TMEM214: variants seen among roughly 807,000 people sequenced by gnomAD.
TMEM214 encodes transmembrane protein 214.
A neutral mutation model predicts 89.8 loss-of-function variants in TMEM214; 71 were observed. The ratio of observed to expected loss-of-function variants is 0.79; its 90% CI spans 0.65 to 0.96. TMEM214 has a LOEUF of 0.96. Among genes scored for constraint, TMEM214 ranks in the 40% least tolerant of loss-of-function variants. The pLI, the probability that TMEM214 is intolerant of heterozygous loss-of-function variation, is 0.00. For synonymous variants in TMEM214, 332 were observed against 349.5 expected, an observed-to-expected ratio of 0.95 and a Z score of 0.56; for missense variants, 754 against 843.4, an observed-to-expected ratio of 0.89 and a Z score of 1.31.
At chr2:27,037,816 T>G in intron 9 of TMEM214, 114 bp downstream of exon 9, 2 of 1,603,346 alleles carry the variant, frequency 1.2e-6, no homozygotes, top group Non-Finnish European at 1.7e-6. Flanking sequence ...TTTCCTTAGC[T>G]CCCTGTTGAC....
Position 27,040,747 on chromosome 2 carries a change from C to T in TMEM214, c.1980C>T (p.Leu660=). The change falls in exon 17 of 17, where the codon CTC becomes CTT. Residue 660 remains leucine (L), a synonymous_variant. Coordinates refer to ENST00000238788, the MANE Select transcript of TMEM214 (RefSeq NM_017727.5). The part of the protein sequence containing the change: ...EVTWDCMKTQ[L]SEAVHWTWLC... ...CCTGGGACTGCATGAAGACACAGCT[C>T]AGTGAGGCTGTCCACTGGACCTGGC... 6.2e-7 allele frequency: 1 copy of T among 1,614,160 alleles called. No individual in the cohort carries two copies. The highest frequency in any genetic ancestry group is 8.5e-7 in the Non-Finnish European group (1 of 1,180,036).
At chr2:27,040,552 C>G in intron 16 of TMEM214, 56 bp downstream of exon 16, 4 of 1,598,836 alleles carry the variant, frequency 2.5e-6, no homozygotes, top group Non-Finnish European at 3.4e-6. Flanking sequence ...TTCCCGGGCC[C>G]CAGGGACAAG....
rs751603408 is a variant in TMEM214 at position 27,037,554 on chromosome 2, C to G, written c.1011-7C>G. ...TTATGCCTGTCTTTCCTCCCCACCC[C>G]ACCCAGCCTGCAGGAGCAGCTGTGT... On this transcript the variant is annotated splice_region_variant and splice_polypyrimidine_tract_variant and intron_variant, in intron 8 of 16. Transcript: ENST00000238788. The G allele has an allele frequency of 2.5e-6, 4 of 1,614,182 alleles. No homozygotes were observed. Among genetic ancestry groups the G allele is most frequent in the South Asian group, 1.1e-5 (1 of 91,086 alleles).
Position 27,034,217 on chromosome 2 carries a change from A to C in TMEM214, c.302A>C (p.Gln101Pro). 6 of 1,614,176 alleles carry C rather than the reference A, an allele frequency of 3.7e-6. No individual in the cohort carries two copies. Among genetic ancestry groups the C allele is most frequent in the Non-Finnish European group, 4.2e-6 (5 of 1,180,026 alleles). ...QPKKVATPPN[Q>P]NQKQGRFRSL... ...AAGAAGGTGGCAACTCCTCCCAACC[A>C]AAACCAGAAGCAGGGCCGCTTCCGC... Residue 101 changes from glutamine to proline, a missense_variant, in exon 2 of 17, where the codon CAA (glutamine) becomes CCA (proline). Physicochemically the swap from Gln to Pro is moderately conservative, Grantham distance 76 (BLOSUM62 -1). Coordinates refer to ENST00000238788, the MANE Select transcript of TMEM214 (RefSeq NM_017727.5).
chr2:27,036,184 C>A, intron 5 of TMEM214, 132 bp downstream of exon 5: 1 of 770,498 alleles, frequency 1.3e-6, no homozygotes, highest in Non-Finnish European at 2.2e-6. Context: ...ACACTATTAG[C>A]ACCTATCCTG....
At position 27,037,695 on chromosome 2, in the gene TMEM214, A is replaced by AT; in HGVS notation, c.1145_1146insT (p.Lys382AsnfsTer10). ...ACCCCTAGCTGTCCCCCTGAGATGAAGAAAGAGGTGAGGATATGGTGGGAG... is the reference window on the plus strand; with the variant it reads ...ACCCCTAGCTGTCCCCCTGAGATGAATGAAAGAGGTGAGGATATGGTGGGAG... On this transcript the variant is annotated frameshift_variant, in exon 9 of 17. Transcript: ENST00000238788. LOFTEE classifies it high-confidence loss of function. 2.5e-6 allele frequency: 4 copies of AT among 1,614,126 alleles called. No individual in the cohort carries two copies. The highest frequency in any genetic ancestry group is 3.4e-6 in the Non-Finnish European group (4 of 1,180,026).
rs1572794641 is a variant in TMEM214, at chr2:27,039,392, T to G, written c.1525+228T>G. 4 of 592,948 alleles carry G rather than the reference T, an allele frequency of 6.7e-6. No individual in the cohort carries two copies. The East Asian group carries it at 1.1e-4, about 16-fold the overall frequency. 36.7% of individuals were successfully genotyped at this position (592,948 alleles called of 1,614,324 possible). A position where few individuals can be genotyped will look rare whatever the true frequency, so the allele number is the denominator to read the frequency against. ...GTGCTTGCATATTCATAGTATCATT[T>G]TAGTAGGTGTTACCTCCTTTTAACT... On this transcript the variant is annotated intron_variant, in intron 13 of 16. Coordinates refer to ENST00000238788, the MANE Select transcript of TMEM214 (RefSeq NM_017727.5).
chr2:27,034,255 G>A lies in TMEM214; in HGVS notation c.340G>A (p.Ala114Thr). 6.2e-7 allele frequency: 1 copy of A among 1,613,838 alleles called. No homozygotes were observed. The highest frequency in any genetic ancestry group is 8.5e-7 in the Non-Finnish European group (1 of 1,180,026). ...GGGCCGCTTCCGCAGCCTGGAGGAA[G>A]CACTGAAAGCTGTGAGTGTGCCTAG... ...KQGRFRSLEE[A>T]LKALDVADLQ... The change falls in exon 2 of 17, where the codon GCA (alanine) becomes ACA (threonine). Residue 114 changes from alanine to threonine, a missense_variant. Coordinates refer to ENST00000238788, the MANE Select transcript of TMEM214 (RefSeq NM_017727.5).
rs781335630 is a variant in TMEM214 at position 27,041,528 on chromosome 2, G to A, written c.*691G>A. 4 of 154,162 alleles carry A rather than the reference G, an allele frequency of 2.6e-5. No homozygotes were observed. The highest frequency in any genetic ancestry group is 4.4e-5 in the Non-Finnish European group (3 of 68,398). 9.5% of individuals were successfully genotyped at this position (154,162 alleles called of 1,614,324 possible). ...TCATGCTGGGGGTCTTGGTCACAAG[G>A]CTCAGCTTCTCTCCACTGTCCATCC... is the stretch of plus-strand genomic sequence containing the variant. On this transcript the variant is annotated 3_prime_UTR_variant, in exon 17 of 17. Coordinates refer to ENST00000238788, the MANE Select transcript of TMEM214 (RefSeq NM_017727.5).
rs755607542 is a variant in TMEM214 at position 27,036,524 on chromosome 2, C to T, written c.758C>T (p.Ala253Val). 3.7e-6 allele frequency: 6 copies of T among 1,614,040 alleles called. No individual in the cohort carries two copies. In the East Asian group the frequency reaches 1.1e-4, roughly 30 times the overall value. ...CTGAGGTCCCACCAGAGCCGACCAG[C>T]AAAGTGTCTCACCATCATGTGGGCC... ...ELLRSHQSRPAKCLTIMWALG... is the reference protein window; with the variant it reads ...ELLRSHQSRPVKCLTIMWALG... The change falls in exon 6 of 17, where the codon GCA becomes GTA. Residue 253 changes from alanine (A) to valine (V), a missense_variant. Physicochemically the swap from Ala to Val is moderately conservative, Grantham distance 64. Coordinates refer to ENST00000238788, the MANE Select transcript of TMEM214 (RefSeq NM_017727.5).
intron 6 of TMEM214, 50 bp from the exon 7 acceptor site, chr2:27,036,655 C>T (rs1667578283): frequency 6.2e-7 from 1 of 1,612,424 alleles, no homozygotes; most frequent in Non-Finnish European, 8.5e-7. Flanking sequence ...TCTTTGATGC[C>T]CCCAGTAGGT....
At chr2:27,040,616 A>G in intron 16 of TMEM214, 95 bp from the exon 17 acceptor site, 2 of 1,586,508 alleles carry the variant, frequency 1.3e-6, no homozygotes, top group Non-Finnish European at 1.7e-6. Context: ...ATTCCTGGCC[A>G]CCCTGGGATG....
Position 27,040,458 on chromosome 2 carries a change from C to T in TMEM214, c.1905C>T (p.Ala635=). 4 of 1,614,072 alleles carry T rather than the reference C, an allele frequency of 2.5e-6. No individual in the cohort carries two copies. The highest frequency in any genetic ancestry group is 3.4e-6 in the Non-Finnish European group (4 of 1,180,026). The stretch of plus-strand genomic sequence containing the variant: ...CACTGTGGCACCTCTTGCTTGAGGC[C>T]CTGGCCTGGGCCCAGGAGCACTGCC... ...LLPLWHLLLE[A]LAWAQEHCHE... Residue 635 remains alanine (A), a synonymous_variant, in exon 16 of 17, where the codon GCC becomes GCT. Coordinates refer to ENST00000238788, the MANE Select transcript of TMEM214 (RefSeq NM_017727.5).
chr2:27,040,850 TGGCCACTGATTTCTGCATGGG>T lies in TMEM214; in HGVS notation c.*14_*34del. On this transcript the variant is annotated 3_prime_UTR_variant, in exon 17 of 17. Coordinates refer to ENST00000238788, the MANE Select transcript of TMEM214 (RefSeq NM_017727.5). ...ATCCCAGCAGTAGGCCCTGCCTTCCTGGCCACTGATTTCTGCATGGGTAGACCATCCAAGACTGCAGCGGGT... is the reference window on the plus strand; with the variant it reads ...ATCCCAGCAGTAGGCCCTGCCTTCCTTAGACCATCCAAGACTGCAGCGGGT... 1 of 1,611,090 alleles carries T rather than the reference TGGCCACTGATTTCTGCATGGG, an allele frequency of 6.2e-7. No individual in the cohort carries two copies. The highest frequency in any genetic ancestry group is 8.5e-7 in the Non-Finnish European group (1 of 1,177,452).
In TMEM214 at chr2:27,040,835, T is replaced by C; in HGVS notation, c.2068T>C (p.Ter690GlnextTer31). 1 of 1,613,044 alleles carries C rather than the reference T, an allele frequency of 6.2e-7. No homozygotes were observed. The highest frequency in any genetic ancestry group is 8.5e-7 in the Non-Finnish European group (1 of 1,179,078). ...GGCACTTGCCCTGATATCCCAGCAG[T>C]AGGCCCTGCCTTCCTGGCCACTGAT... ...DWALALISQQ[*>Q] is the part of the protein sequence containing the mutation. Residue 690 changes from the stop codon to glutamine (Q), a stop_lost, in exon 17 of 17, where the codon TAG becomes CAG. Coordinates refer to ENST00000238788, the MANE Select transcript of TMEM214 (RefSeq NM_017727.5).
intron 7 of TMEM214, 32 bp from the exon 8 acceptor site, chr2:27,037,045 T>C: frequency 6.3e-7 from 1 of 1,584,504 alleles, no homozygotes; most frequent in Non-Finnish European, 8.7e-7. Flanking sequence ...TGGGTGGTGG[T>C]GTCCAGCGAG....
Position 27,038,044 on chromosome 2 carries a change from G to A in TMEM214, c.1153-102G>A. ...CTCCACCCCTTAGGGTGGATGTGCG[G>A]CCTGGATGGCCTTGCTTACGGGAAG... On this transcript the variant is annotated intron_variant, in intron 9 of 16. Transcript: ENST00000238788. This position sits in a 1 kb window ranked among gnomAD's most constrained non-coding sequence, Gnocchi z 4.4. The A allele has an allele frequency of 6.2e-7, 1 of 1,610,930 alleles. No individual in the cohort carries two copies. Among genetic ancestry groups the A allele is most frequent in the South Asian group, 1.1e-5 (1 of 90,438 alleles).
intron 13 of TMEM214, 190 bp from the exon 14 acceptor site, chr2:27,039,551 C>T: frequency 1.6e-6 from 1 of 626,608 alleles, no homozygotes; most frequent in Non-Finnish European, 2.9e-6. Context: ...TTCCTGCACA[C>T]CTGGCCCAGC....
Position 27,038,060 on chromosome 2 carries a change from T to C in TMEM214, c.1153-86T>C. ...GGATGTGCGGCCTGGATGGCCTTGC[T>C]TACGGGAAGGGGATCACCTCTTAGC... On this transcript the variant is annotated intron_variant, in intron 9 of 16. Coordinates refer to ENST00000238788, the MANE Select transcript of TMEM214 (RefSeq NM_017727.5). This position sits in a 1 kb window ranked among gnomAD's most constrained non-coding sequence, Gnocchi z 4.4. 1 of 1,612,128 alleles carries C rather than the reference T, an allele frequency of 6.2e-7. No homozygotes were observed. Among genetic ancestry groups the C allele is most frequent in the Non-Finnish European group, 8.5e-7 (1 of 1,179,764 alleles).
Sources: gnomAD v4.1 joint callset for allele counts on GRCh38, gnomAD v4.1.1 for gene constraint, Gnocchi (gnomAD v3.1) non-coding constraint, MANE v1.5 for transcripts, NCBI Gene and HGNC (gene_info 2026-07-23, HGNC 2026-07-21) for gene names.